The following MAGI2 variants were observed in gnomAD, a reference collection of about 807,000 sequenced individuals.
The protein encoded by MAGI2 is membrane associated guanylate kinase, WW and PDZ domain containing 2.
A neutral mutation model predicts 133.3 loss-of-function variants in MAGI2; 35 were observed. The observed-to-expected ratio is 0.26, with a 90% CI of 0.20 to 0.35. The LOEUF (loss-of-function observed/expected upper bound fraction) is 0.35, where lower values mean the gene tolerates loss of function less well. MAGI2 is among the 10% of genes least tolerant of loss of function. The pLI is 1.00. For synonymous variants in MAGI2, 729 were observed against 710.6 expected (o/e 1.03, Z -0.41); for missense variants, 1,636 against 1,863.4 (o/e 0.88, Z 2.25).
intron 9 of MAGI2, among the ~76,000 whole-genome samples, chr7:78,268,852 G>A (rs1411823631): frequency 6.6e-6 from 1 of 152,038 alleles, no homozygotes; most frequent in Non-Finnish European, 1.5e-5. Flanking sequence ...TTGTTACATA[G>A]GTATACACGT....
At chr7:78,861,673 T>C (rs1794166083) in intron 2 of MAGI2, among the ~76,000 whole-genome samples, 1 of 152,200 alleles carries the variant, frequency 6.6e-6, no homozygotes, top group South Asian at 2.1e-4. Context: ...ATAATGATAA[T>C]GGTCAGGGCA....
chr7:78,398,577 C>CT (rs1333957068), intron 6 of MAGI2, among the ~76,000 whole-genome samples: 2 of 152,014 alleles, frequency 1.3e-5, no homozygotes, highest in African/African-American at 4.8e-5. Context: ...ATTGTAAATT[C>CT]TTTTTTGCCC....
chr7:79,407,812 A>AG (rs111688545), intron 1 of MAGI2, among the ~76,000 whole-genome samples: 4 of 151,848 alleles, frequency 2.6e-5, no homozygotes, highest in East Asian at 1.9e-4. Flanking sequence ...GAAAAAAAAA[A>AG]CATTTGACAC....
At chr7:78,655,256 G>C (rs2151023954) in intron 2 of MAGI2, among the ~76,000 whole-genome samples, 1 of 151,896 alleles carries the variant, frequency 6.6e-6, no homozygotes, top group East Asian at 1.9e-4. Flanking sequence ...TCTCCTTTCA[G>C]TTATCAAGGC....
intron 1 of MAGI2, among the ~76,000 whole-genome samples, chr7:79,144,924 A>G (rs962750900): frequency 3.7e-4 from 56 of 152,286 alleles, no homozygotes; most frequent in Admixed American, 1.2e-3. Context: ...CTTAGTCAGG[A>G]AATGTGCTGC....
intron 1 of MAGI2, among the ~76,000 whole-genome samples, chr7:79,137,181 C>A (rs372688386): frequency 1.5e-4 from 23 of 152,132 alleles, no homozygotes; most frequent in Middle Eastern, 3.4e-3. Flanking sequence ...CCTCCAAACC[C>A]GTAAGACCCT....
intron 20 of MAGI2, among the ~76,000 whole-genome samples, chr7:78,110,451 A>G (rs967995398): frequency 3.9e-5 from 6 of 152,210 alleles, no homozygotes; most frequent in Non-Finnish European, 8.8e-5. Context: ...AATGCGCTGA[A>G]CATCCAATAG....
chr7:78,086,695 C>T (rs908086993), intron 20 of MAGI2, among the ~76,000 whole-genome samples: 1 of 150,806 alleles, frequency 6.6e-6, no homozygotes, highest in Non-Finnish European at 1.5e-5. Flanking sequence ...AGTGTAGTGG[C>T]GTGACCTCGG....
intron 1 of MAGI2, among the ~76,000 whole-genome samples, chr7:79,024,708 T>C (rs1490833369): frequency 1.3e-5 from 2 of 151,348 alleles, no homozygotes; most frequent in Non-Finnish European, 3.0e-5. Context: ...ACATGAACAG[T>C]TTTCAGAAGA....
rs181222627 is a variant in MAGI2, at chr7:78,036,814, A to G, written c.3707-16838T>C. On this transcript the variant is annotated intron_variant, in intron 21 of 21. Transcript: ENST00000354212. ...TTTTTTGTAGAGAAGGGGTTTCTCCATGTTGCCCAGGCTGGTCTTGAACTC... is the reference window on the plus strand; with the variant it reads ...TTTTTTGTAGAGAAGGGGTTTCTCCGTGTTGCCCAGGCTGGTCTTGAACTC... Among the ~76,000 whole-genome samples the G allele has an allele frequency of 2.6e-3, 389 of 152,198 alleles. 1 individual carries two copies. Among genetic ancestry groups the G allele is most frequent in the Middle Eastern group, 0.017 (5 of 294 alleles).
intron 1 of MAGI2, among the ~76,000 whole-genome samples, chr7:79,033,310 C>A (rs10281393): frequency 0.12 from 17,925 of 152,150 alleles, 1,499 homozygotes; most frequent in African/African-American, 0.24. Context: ...GGTTTTACAC[C>A]ATTTGGTCAC....
chr7:78,714,482 C>T (rs1819513761), intron 2 of MAGI2, among the ~76,000 whole-genome samples: 1 of 152,158 alleles, frequency 6.6e-6, no homozygotes, highest in Non-Finnish European at 1.5e-5. Context: ...CCCCACCTTC[C>T]ATCTGATTCC....
At chr7:78,211,463 A>G (rs1787761408) in intron 10 of MAGI2, among the ~76,000 whole-genome samples, 1 of 152,170 alleles carries the variant, frequency 6.6e-6, no homozygotes, top group Non-Finnish European at 1.5e-5. Context: ...GTGGTCTCAC[A>G]TATATGGGTG....
intron 1 of MAGI2, among the ~76,000 whole-genome samples, chr7:79,208,400 A>G (rs1829240767): frequency 6.6e-6 from 1 of 152,036 alleles, no homozygotes; most frequent in Admixed American, 6.6e-5. Flanking sequence ...ACGTCTCCTC[A>G]AGAGAAAACA....
chr7:78,132,155 G>A (rs190689278), intron 18 of MAGI2, among the ~76,000 whole-genome samples: 11 of 152,270 alleles, frequency 7.2e-5, no homozygotes, highest in East Asian at 5.8e-4. Context: ...GATTATAGGC[G>A]TGAGCCACCA....
chr7:78,040,439 T>C (rs1370290469), intron 21 of MAGI2, among the ~76,000 whole-genome samples: 2 of 152,190 alleles, frequency 1.3e-5, no homozygotes, highest in Admixed American at 6.5e-5. Flanking sequence ...CCGCGTTCTC[T>C]ACCCTGCCCG....
chr7:79,031,959 C>G (rs1446688498), intron 1 of MAGI2, among the ~76,000 whole-genome samples: 3 of 151,820 alleles, frequency 2.0e-5, no homozygotes, highest in Non-Finnish European at 2.9e-5. Flanking sequence ...AGGTATGAAA[C>G]TATAGAGAAC....
intron 1 of MAGI2, among the ~76,000 whole-genome samples, chr7:79,308,144 G>GA: frequency 6.6e-6 from 1 of 152,238 alleles, no homozygotes; most frequent in South Asian, 2.1e-4. Flanking sequence ...CTGTGTGTAT[G>GA]AAAAACAGTG....
chr7:78,715,425 C>T (rs1046124707), intron 2 of MAGI2, among the ~76,000 whole-genome samples: 1 of 152,094 alleles, frequency 6.6e-6, no homozygotes, highest in African/African-American at 2.4e-5. Context: ...TATATCTTAC[C>T]TGTTAAAAAT....
Sources: gnomAD v4.1 joint callset for allele counts (sites outside exome capture counted in the v4.1 genomes callset) on GRCh38, gnomAD v4.1.1 for gene constraint, MANE v1.5 for transcripts, NCBI Gene and HGNC (gene_info 2026-07-23, HGNC 2026-07-21) for gene names.